Variants in ZNF385D observed in about 807,000 individuals in gnomAD.
ZNF385D encodes zinc finger protein 659.
ZNF385D carries 15 observed loss-of-function variants against 35.8 expected under a neutral mutation model. The ratio of observed to expected loss-of-function variants is 0.42; its 90% confidence interval spans 0.28 to 0.64. The LOEUF (loss-of-function observed/expected upper bound fraction) is 0.64. Among genes scored for constraint, ZNF385D ranks in the 30% least tolerant of loss-of-function variants. The pLI is 0.23. For synonymous variants in ZNF385D, 212 were observed against 186.8 expected (o/e 1.13, Z -1.10); for missense variants, 474 against 494.6 (o/e 0.96, Z 0.39).
chr3:21,914,973 C>T (rs942718650), intron 3 of ZNF385D, among the ~76,000 whole-genome samples: 10 of 148,048 alleles, frequency 6.8e-5, no homozygotes, highest in African/African-American at 1.5e-4. Flanking sequence ...ACCACAAGCA[C>T]GAGGAAAAGT....
intron 3 of ZNF385D, among the ~76,000 whole-genome samples, chr3:21,907,367 A>T (rs922030400): frequency 6.6e-6 from 1 of 152,140 alleles, no homozygotes; most frequent in Non-Finnish European, 1.5e-5. Flanking sequence ...ATAAAATGGC[A>T]TTTGTTACCC....
exon 2 of ZNF385D, chr3:22,372,575 G>A (rs1329086324): frequency 1.0e-6 from 1 of 982,262 alleles, no homozygotes; most frequent in Non-Finnish European, 1.2e-6. Context: ...GCAGCCGCCG[G>A]GGCTGGCTGT....
At chr3:22,315,761 T>C (rs562864154) in intron 2 of ZNF385D, among the ~76,000 whole-genome samples, 1 of 152,266 alleles carries the variant, frequency 6.6e-6, no homozygotes, top group Admixed American at 6.5e-5. Flanking sequence ...AAGCTCACCA[T>C]GGGAGGAATT....
At chr3:21,977,352 A>G (rs935533644) in intron 3 of ZNF385D, among the ~76,000 whole-genome samples, 1 of 152,194 alleles carries the variant, frequency 6.6e-6, no homozygotes, top group Non-Finnish European at 1.5e-5. Flanking sequence ...TTTTTAATTA[A>G]AGCTTGAGTA....
chr3:21,726,387 T>C (rs1336301205), intron 1 of ZNF385D, among the ~76,000 whole-genome samples: 1 of 152,134 alleles, frequency 6.6e-6, no homozygotes, highest in Admixed American at 6.5e-5. Context: ...GAAGTCAAAT[T>C]ATCTCTGTTT....
At chr3:22,086,332 G>C (rs929216136) in intron 3 of ZNF385D, among the ~76,000 whole-genome samples, 1 of 152,182 alleles carries the variant, frequency 6.6e-6, no homozygotes, top group Non-Finnish European at 1.5e-5. Flanking sequence ...TTCTCCTTAA[G>C]CTGATAAGCA....
chr3:21,839,911 C>T (rs921952509), intron 3 of ZNF385D, among the ~76,000 whole-genome samples: 8 of 151,956 alleles, frequency 5.3e-5, no homozygotes, highest in Non-Finnish European at 1.0e-4. Flanking sequence ...AGACCGAGAG[C>T]GCACAGCCTT....
At chr3:21,437,311 C>G in intron 4 of ZNF385D, 108 bp from the exon 5 acceptor site, 1 of 1,030,324 alleles carries the variant, frequency 9.7e-7, no homozygotes, top group East Asian at 2.6e-5. Context: ...ATAAGAGCAG[C>G]TAGCAATTGC....
At chr3:21,851,617 G>A (rs995408255) in intron 3 of ZNF385D, among the ~76,000 whole-genome samples, 3 of 151,982 alleles carry the variant, frequency 2.0e-5, no homozygotes, top group African/African-American at 7.2e-5. Flanking sequence ...TTGTGGTCAT[G>A]ACTCCATATG....
intron 3 of ZNF385D, among the ~76,000 whole-genome samples, chr3:21,549,869 G>A (rs1412857624): frequency 1.3e-5 from 2 of 152,166 alleles, no homozygotes; most frequent in Non-Finnish European, 2.9e-5. Context: ...AAGATCCTTT[G>A]GGATGCAGCG....
At chr3:22,106,524 C>A (rs1217747166) in intron 3 of ZNF385D, among the ~76,000 whole-genome samples, 2 of 152,120 alleles carry the variant, frequency 1.3e-5, no homozygotes, top group African/African-American at 2.4e-5. Context: ...TGTCTTCTTT[C>A]CAGATATGAC....
chr3:21,598,879 C>T (rs924242955), intron 2 of ZNF385D, among the ~76,000 whole-genome samples: 1 of 152,090 alleles, frequency 6.6e-6, no homozygotes, highest in Non-Finnish European at 1.5e-5. Context: ...TCACCATTCC[C>T]TTATGATCAG....
intron 5 of ZNF385D, among the ~76,000 whole-genome samples, chr3:21,428,591 A>T (rs78180860): frequency 0.05 from 7,616 of 151,956 alleles, 230 homozygotes; most frequent in Non-Finnish European, 0.055. Context: ...TTTCTCATAA[A>T]GCTTTTTTTG....
chr3:22,242,802 T>C (rs1400982761), intron 2 of ZNF385D, among the ~76,000 whole-genome samples: 2 of 151,072 alleles, frequency 1.3e-5, no homozygotes, highest in African/African-American at 4.9e-5. Flanking sequence ...CATAATTATG[T>C]AAGATGTTCA....
At chr3:22,211,463 G>A (rs370617029) in intron 2 of ZNF385D, among the ~76,000 whole-genome samples, 13 of 151,882 alleles carry the variant, frequency 8.6e-5, no homozygotes, top group East Asian at 3.9e-4. Flanking sequence ...TAGCTGGTCC[G>A]AATAGAGACA....
At chr3:21,989,415 A>G (rs1320853722) in intron 3 of ZNF385D, among the ~76,000 whole-genome samples, 6 of 152,228 alleles carry the variant, frequency 3.9e-5, no homozygotes, top group Non-Finnish European at 8.8e-5. Flanking sequence ...ATTTTCTGAC[A>G]CAATGCACTG....
At chr3:21,894,012 G>T (rs9826718) in intron 3 of ZNF385D, among the ~76,000 whole-genome samples, 2 of 152,100 alleles carry the variant, frequency 1.3e-5, no homozygotes, top group Non-Finnish European at 2.9e-5. Flanking sequence ...GACTTAGGAA[G>T]TTCAAAAATA....
At chr3:21,694,075 G>C (rs1332009673) in intron 1 of ZNF385D, among the ~76,000 whole-genome samples, 1 of 19,854 alleles carries the variant, frequency 5.0e-5, no homozygotes, top group African/African-American at 2.4e-4. Flanking sequence ...ACAGAGTCTC[G>C]CTCTGTCGCC....
chr3:22,333,339 T>C lies in ZNF385D; in HGVS notation c.106+39111A>G, dbSNP rs564815914. ...TTTATTCACCAAATTTAAGGAGTTT[T>C]CCATCATTATTTCTTCACACATATA... On this transcript the variant is annotated intron_variant, in intron 2 of 5. Coordinates refer to the ZNF385D transcript ENST00000494108. Among the ~76,000 whole-genome samples the C allele has an allele frequency of 3.0e-3, 456 of 152,314 alleles. 3 individuals carry two copies. The highest frequency in any genetic ancestry group is 9.1e-3 in the African/African-American group (378 of 41,582).
Sources: allele counts gnomAD v4.1 joint callset (sites outside exome capture counted in the v4.1 genomes callset), GRCh38; gene constraint gnomAD v4.1.1; transcripts MANE v1.5; gene names NCBI Gene and HGNC (gene_info 2026-07-23, HGNC 2026-07-21).